CPSF4: variants seen among roughly 807,000 people sequenced by gnomAD.
CPSF4 encodes cleavage and polyadenylation specific factor 4, also known as cleavage and polyadenylation specificity factor subunit 4.
Under a neutral mutation model 37.7 loss-of-function variants are expected in CPSF4, and 11 were observed. The ratio of observed to expected loss-of-function variants is 0.29; its 90% CI spans 0.18 to 0.48. The LOEUF (loss-of-function observed/expected upper bound fraction) is 0.48, where lower values mean the gene tolerates loss of function less well. CPSF4 is among the 20% of genes least tolerant of loss of function. The pLI is 0.99. For missense variants in CPSF4, 144 were observed against 359.5 expected, an observed-to-expected ratio of 0.40 and a Z score of 4.85; for synonymous variants, 132 against 135.9, an observed-to-expected ratio of 0.97 and a Z score of 0.20.
At chr7:99,445,795 A>T (rs909873630) in intron 2 of CPSF4, among the ~76,000 whole-genome samples, 16 of 152,122 alleles carry the variant, frequency 1.1e-4, no homozygotes, top group Non-Finnish European at 7.3e-5. Context: ...GAGGCAGGAG[A>T]ATCACTTGAA....
chr7:99,440,655 C>CATATATAT lies in CPSF4; in HGVS notation c.103+1483_103+1490dup, dbSNP rs1228721219. On this transcript the variant is annotated intron_variant, in intron 1 of 7. Coordinates refer to ENST00000292476, the MANE Select transcript of CPSF4 (RefSeq NM_006693.4). ...TATAGGCATGAGCCACTGCACCTGG[C>CATATATAT]ATATATATATATATATATATTTTTT... Among the ~76,000 whole-genome samples the CATATATAT allele has an allele frequency of 1.9e-3, 176 of 90,498 alleles. 12 individuals are homozygous for CATATATAT. Among genetic ancestry groups the CATATATAT allele is most frequent in the African/African-American group, 9.3e-3 (109 of 11,680 alleles). The allele number at this position is 90,498 out of a possible 152,430, so 59.4% of individuals were successfully genotyped here.
chr7:99,439,282 C>T, intron 1 of CPSF4, 97 bp downstream of exon 1: 7 of 829,902 alleles, frequency 8.4e-6, no homozygotes, highest in South Asian at 5.3e-5. Context: ...CCTGAGACCT[C>T]CCCCGGCTTC....
chr7:99,447,760 T>C (rs891043837), intron 2 of CPSF4: 1 of 435,434 alleles, frequency 2.3e-6, no homozygotes, highest in African/African-American at 2.0e-5. Context: ...CGGCTAATTT[T>C]TTGTATTTTT....
rs1449764926 is a variant in CPSF4 at position 99,453,957 on chromosome 7, T to G, written c.571-9T>G. The stretch of plus-strand genomic sequence containing the variant: ...CCACAGTAAAACCGTGTTGTGTAAC[T>G]CTTTCCAGCAAAGTAACAATCCGCC... On this transcript the variant is annotated splice_polypyrimidine_tract_variant and intron_variant, in intron 6 of 7. Coordinates refer to ENST00000292476, the MANE Select transcript of CPSF4 (RefSeq NM_006693.4). The surrounding 1 kb of genome is among the most constrained non-coding windows in gnomAD (Gnocchi z 4.7). 6.2e-7 allele frequency: 1 copy of G among 1,613,672 alleles called. No individual in the cohort carries two copies. The highest frequency in any genetic ancestry group is 2.2e-5 in the East Asian group (1 of 44,856).
intron 2 of CPSF4, chr7:99,447,632 C>T (rs2150997635): frequency 6.0e-6 from 1 of 168,002 alleles, no homozygotes; most frequent in Non-Finnish European, 1.3e-5. Flanking sequence ...CTCTGTTGCC[C>T]AGGCTGGTGT....
chr7:99,441,699 T>C (rs1273522263), intron 1 of CPSF4, among the ~76,000 whole-genome samples: 1 of 152,006 alleles, frequency 6.6e-6, no homozygotes, highest in African/African-American at 2.4e-5. Flanking sequence ...AATTTTTTTT[T>C]TCTTTTTTTT....
chr7:99,441,107 C>A (rs1364755541), intron 1 of CPSF4, among the ~76,000 whole-genome samples: 2 of 152,024 alleles, frequency 1.3e-5, no homozygotes, highest in African/African-American at 4.8e-5. Context: ...CCCACCACCA[C>A]GCCCAACTAA....
At chr7:99,450,598 T>C in intron 4 of CPSF4, 104 bp from the exon 5 acceptor site, 1 of 986,960 alleles carries the variant, frequency 1.0e-6, no homozygotes, top group Non-Finnish European at 1.6e-6. Context: ...GTGAGGTCCC[T>C]GCCCCGTCTC....
At chr7:99,441,981 C>T (rs73711280) in intron 1 of CPSF4, among the ~76,000 whole-genome samples, 13,525 of 152,132 alleles carry the variant, frequency 0.089, 987 homozygotes, top group African/African-American at 0.2. Context: ...CGTGAGTCAC[C>T]GCACCTGGCC....
Position 99,448,404 on chromosome 7 carries a change from A to T in CPSF4, c.307+131A>T. The T allele has an allele frequency of 5.2e-6, 5 of 970,008 alleles. No homozygotes were observed. The highest frequency in any genetic ancestry group is 4.4e-6 in the Non-Finnish European group (3 of 684,978). The allele number at this position is 970,008 out of a possible 1,614,324, so 60.1% of individuals were successfully genotyped here. A position where few individuals can be genotyped will look rare whatever the true frequency, so the allele number is the denominator to read the frequency against. On this transcript the variant is annotated intron_variant, in intron 3 of 7. Coordinates refer to ENST00000292476, the MANE Select transcript of CPSF4 (RefSeq NM_006693.4). This position sits in a 1 kb window ranked among gnomAD's most constrained non-coding sequence, Gnocchi z 4.4. ...ATTCTCAGAGGAGAACTCTGGCAGA[A>T]CCTGCCAGCCTCAGCCAGCTTTTAG...
intron 1 of CPSF4, among the ~76,000 whole-genome samples, chr7:99,439,946 CT>C (rs1484568518): frequency 6.6e-6 from 1 of 152,162 alleles, no homozygotes; most frequent in Non-Finnish European, 1.5e-5. Flanking sequence ...GACCCTTGGC[CT>C]GAACTCCCTT....
chr7:99,440,675 T>TATATATATATATATATG (rs1491236759), intron 1 of CPSF4, among the ~76,000 whole-genome samples: 1 of 74,878 alleles, frequency 1.3e-5, no homozygotes, highest in African/African-American at 1.1e-4. Context: ...TATATATATA[T>TATATATATATATATATG]TTTTTTTTTT....
At chr7:99,443,957 T>C (rs944452735) in intron 1 of CPSF4, among the ~76,000 whole-genome samples, 7 of 152,114 alleles carry the variant, frequency 4.6e-5, no homozygotes, top group Admixed American at 6.6e-5. Context: ...GGATGTTGCA[T>C]ATTAAAAGCA....
rs1798319925 is a variant in CPSF4 at position 99,456,438 on chromosome 7, G to A, written c.748G>A (p.Glu250Lys). Residue 250 changes from glutamate to lysine, a missense_variant, in exon 8 of 8, where the codon GAG becomes AAG. Glu to Lys is a moderately conservative substitution (Grantham distance 56). Transcript: ENST00000292476. ...CACTTCCTGCTGTTCCCAGTGTGGCGAGAAAGGACACTACGCCAACAGATG... is the reference window on the plus strand; with the variant it reads ...CACTTCCTGCTGTTCCCAGTGTGGCAAGAAAGGACACTACGCCAACAGATG... ...LEQVTCYKCG[E>K]KGHYANRCTK... is the part of the protein sequence containing the mutation. The A allele has an allele frequency of 1.9e-6, 3 of 1,614,022 alleles. No homozygotes were observed. The highest frequency in any genetic ancestry group is 2.2e-5 in the South Asian group (2 of 91,086).
rs1236017359 is a variant in CPSF4 at position 99,445,345 on chromosome 7, C to T, written c.154+506C>T. Among the ~76,000 whole-genome samples the T allele has an allele frequency of 2.0e-5, 3 of 151,746 alleles. No homozygotes were observed. The East Asian group carries it at 5.8e-4, about 29-fold the overall frequency. On this transcript the variant is annotated intron_variant, in intron 2 of 7. Transcript: ENST00000292476. The stretch of plus-strand genomic sequence containing the variant: ...GCGAGAATCCCTTGAACCAGGGAGT[C>T]AGAGGTTGCAGTGAGCCGAGATCGT...
At chr7:99,439,309 CCCTCCCCTTTGGTCGCAGGACT>C in intron 1 of CPSF4, 124 bp downstream of exon 1, 1 of 660,824 alleles carries the variant, frequency 1.5e-6, no homozygotes, top group South Asian at 2.0e-5. Flanking sequence ...ATCCTGGGAC[CCCTCCCCTTTGGTCGCAGGACT>C]CCTCCCTCTA....
intron 7 of CPSF4, among the ~76,000 whole-genome samples, chr7:99,455,110 T>C (rs1398192328): frequency 6.6e-6 from 1 of 152,028 alleles, no homozygotes; most frequent in Non-Finnish European, 1.5e-5. Context: ...GACTTAGCTG[T>C]TATCTTGCCA....
At chr7:99,454,985 G>A (rs1391347332) in intron 7 of CPSF4, among the ~76,000 whole-genome samples, 1 of 152,022 alleles carries the variant, frequency 6.6e-6, no homozygotes, top group Non-Finnish European at 1.5e-5. Context: ...GGCCCAGGAG[G>A]TCAAGCCTGC....
chr7:99,455,716 T>C (rs533924027), intron 7 of CPSF4, among the ~76,000 whole-genome samples: 139 of 152,258 alleles, frequency 9.1e-4, no homozygotes, highest in Non-Finnish European at 1.5e-3. Context: ...AGAGAAGCTA[T>C]GGAAGGGCCT....
Sources: allele counts gnomAD v4.1 joint callset (sites outside exome capture counted in the v4.1 genomes callset), GRCh38; gene constraint gnomAD v4.1.1; non-coding constraint Gnocchi (gnomAD v3.1); transcripts MANE v1.5; gene names NCBI Gene and HGNC (gene_info 2026-07-23, HGNC 2026-07-21).